The following CHAF1B variants were observed in gnomAD, a reference collection of about 807,000 sequenced individuals.
CHAF1B encodes the protein CAF-1 subunit B.
In CHAF1B, 10 loss-of-function variants were observed where a neutral mutation model predicts 60.7. The ratio of observed to expected loss-of-function variants is 0.16; its 90% confidence interval spans 0.10 to 0.28. The LOEUF (loss-of-function observed/expected upper bound fraction) is 0.28. CHAF1B is among the 10% of genes least tolerant of loss of function. CHAF1B has a pLI of 1.00. For missense variants in CHAF1B, 558 were observed against 708.4 expected, an observed-to-expected ratio of 0.79 and a Z score of 2.41; for synonymous variants, 261 against 266.1, an observed-to-expected ratio of 0.98 and a Z score of 0.19.
intron 8 of CHAF1B, among the ~76,000 whole-genome samples, chr21:36,406,637 G>C (rs2086240289): frequency 6.6e-6 from 1 of 152,038 alleles, no homozygotes; most frequent in African/African-American, 2.4e-5. Context: ...TGTATGACAT[G>C]ATGTTTTGAA....
chr21:36,409,564 T>C, intron 10 of CHAF1B, 99 bp downstream of exon 10: 1 of 714,362 alleles, frequency 1.4e-6, no homozygotes, highest in Non-Finnish European at 2.4e-6. Flanking sequence ...GAAAGGTGGG[T>C]ATCTGGGTTT....
intron 3 of CHAF1B, chr21:36,388,800 A>G (rs78048870): frequency 0.031 from 4,677 of 152,256 alleles, 101 homozygotes; most frequent in Admixed American, 0.047. Flanking sequence ...GGGATATGAA[A>G]GAATTCAGCA....
rs2086335920 is a variant in CHAF1B, at chr21:36,418,839, ACT to A, written c.*2476_*2477del. 1 of 139,998 alleles carries A rather than the reference ACT, an allele frequency of 7.1e-6. No homozygotes were observed. Among genetic ancestry groups the A allele is most frequent in the African/African-American group, 3.0e-5 (1 of 33,460 alleles). The allele number at this position is 139,998 out of a possible 1,614,324, so 8.7% of individuals were successfully genotyped here. A position where few individuals can be genotyped will look rare whatever the true frequency, so the allele number is the denominator to read the frequency against. ...ACTCCAGCCTGGGCGACAGAGCGAGACTCTGTCTCAAAAAAAAAAAAAAAGAG... is the reference window on the plus strand; with the variant it reads ...ACTCCAGCCTGGGCGACAGAGCGAGACTGTCTCAAAAAAAAAAAAAAAGAG... On this transcript the variant is annotated 3_prime_UTR_variant, in exon 14 of 14. Coordinates refer to ENST00000314103, the MANE Select transcript of CHAF1B (RefSeq NM_005441.3).
At chr21:36,401,015 C>T (rs1379576898) in intron 7 of CHAF1B, among the ~76,000 whole-genome samples, 3 of 151,854 alleles carry the variant, frequency 2.0e-5, no homozygotes, top group African/African-American at 7.3e-5. Context: ...GCCTGTAATC[C>T]CAGCACTTTG....
chr21:36,386,702 A>G (rs1485037537), intron 2 of CHAF1B, among the ~76,000 whole-genome samples: 1 of 152,080 alleles, frequency 6.6e-6, no homozygotes, highest in African/African-American at 2.4e-5. Flanking sequence ...AATGAAAGCA[A>G]AAGAGAGCTG....
chr21:36,407,462 T>TG (rs1459501060), intron 8 of CHAF1B, among the ~76,000 whole-genome samples: 1 of 152,206 alleles, frequency 6.6e-6, no homozygotes, highest in Non-Finnish European at 1.5e-5. Flanking sequence ...ATCAGTGCTA[T>TG]GCAAGTTAAC....
rs2086289066 is a variant in CHAF1B at position 36,412,956 on chromosome 21, T to C, written c.1134T>C (p.Asp378=). 6.2e-7 allele frequency: 1 copy of C among 1,614,224 alleles called. No homozygotes were observed. Among genetic ancestry groups the C allele is most frequent in the Non-Finnish European group, 8.5e-7 (1 of 1,180,042 alleles). ...GCTCATTTGTGACATTTGAGAAAGA[T>C]GAACTTGGAATTCCTTTGAAAGAGA... ...GYCSFVTFEK[D]ELGIPLKEKP... The change falls in exon 12 of 14, where the codon GAT becomes GAC. Residue 378 remains aspartate, a synonymous_variant. Transcript: ENST00000314103.
rs1429872828 is a variant in CHAF1B, at chr21:36,408,752, G to A, written c.758-9G>A. On this transcript the variant is annotated splice_polypyrimidine_tract_variant and intron_variant, in intron 8 of 13. Coordinates refer to ENST00000314103, the MANE Select transcript of CHAF1B (RefSeq NM_005441.3). ...TTTCTTTCCTCTCCCTCCCTTCCCT[G>A]TTCCCCAGCTGGATGTGTGGAATCT... 7 of 1,596,832 alleles carry A rather than the reference G, an allele frequency of 4.4e-6. No individual in the cohort carries two copies. In the South Asian group the frequency reaches 7.7e-5, roughly 18 times the overall value.
At chr21:36,400,324 ATAAAATTAGCCGGGT>A (rs2086177116) in intron 7 of CHAF1B, among the ~76,000 whole-genome samples, 1 of 151,908 alleles carries the variant, frequency 6.6e-6, no homozygotes, top group Admixed American at 6.6e-5. Context: ...TACAAAAAAT[ATAAAATTAGCCGGGT>A]GCATGCATGT....
intron 12 of CHAF1B, among the ~76,000 whole-genome samples, chr21:36,413,621 G>T (rs1476244903): frequency 6.6e-6 from 1 of 152,022 alleles, no homozygotes; most frequent in African/African-American, 2.4e-5. Context: ...CTTCATCTCC[G>T]GCCTAGTCCT....
chr21:36,394,754 CA>C (rs2086123798), intron 5 of CHAF1B, 104 bp downstream of exon 5: 1 of 651,566 alleles, frequency 1.5e-6, no homozygotes, highest in Admixed American at 3.2e-5. Flanking sequence ...TTTTTTGAGA[CA>C]GGATCTCACT....
rs74900401 is a variant in CHAF1B at position 36,415,317 on chromosome 21, A to C, written c.1516A>C (p.Lys506Gln). The C allele has an allele frequency of 2.9e-3, 4,756 of 1,612,306 alleles. 124 individuals are homozygous for C. The African/African-American group carries it at 0.055, about 19-fold the overall frequency. Reference protein sequence around the residue: ...TPRRINLTPLKTDTPPSSVPT... With the variant: ...TPRRINLTPLQTDTPPSSVPT... ...AAGGAGAATAAACTTAACACCCTTA[A>C]AGACGGACACTCCACCAAGTTCTGT... Residue 506 changes from lysine to glutamine, a missense_variant, in exon 13 of 14, where the codon AAG becomes CAG. By Grantham distance (53) the Lys-to-Gln change is moderately conservative (BLOSUM62 1). This residue lies in a region of CHAF1B where 233 missense variants were observed against 214.9 expected (regional missense o/e 1.08). Transcript: ENST00000314103.
chr21:36,412,561 C>T (rs576187817), intron 11 of CHAF1B, among the ~76,000 whole-genome samples: 1 of 152,154 alleles, frequency 6.6e-6, no homozygotes, highest in Non-Finnish European at 1.5e-5. Flanking sequence ...AGGGTTTCAC[C>T]ATGTTGGCCA....
At position 36,416,321 on chromosome 21, in the gene CHAF1B, C is replaced by T. The variant is rs1488855207; in HGVS notation, c.1635C>T (p.Pro545=). 6.2e-7 allele frequency: 1 copy of T among 1,614,086 alleles called. No individual in the cohort carries two copies. The highest frequency in any genetic ancestry group is 1.7e-5 in the Admixed American group (1 of 60,012). ...AQGSPPELKR[P]RLDENKGGTE... is the part of the protein sequence containing the mutation. ...GCAGTCCCCCAGAGCTAAAGCGGCC[C>T]AGACTCGATGAAAACAAAGGAGGCA... is the stretch of plus-strand genomic sequence containing the variant. The change falls in exon 14 of 14, where the codon CCC becomes CCT. Residue 545 remains proline, a synonymous_variant. Transcript: ENST00000314103.
Position 36,413,184 on chromosome 21 carries a change from T to G in CHAF1B, c.1362T>G (p.Pro454=). The G allele has an allele frequency of 6.2e-7, 1 of 1,613,956 alleles. No homozygotes were observed. The change falls in exon 12 of 14, where the codon CCT becomes CCG. Residue 454 remains proline, a synonymous_variant. Coordinates refer to ENST00000314103, the MANE Select transcript of CHAF1B (RefSeq NM_005441.3). The part of the protein sequence containing the change: ...TVIRDPPSIT[P]AVKSPLPGPS... Reference sequence around the variant, plus strand: ...TCAGGGACCCTCCCTCCATCACTCCTGCTGTCAAAAGCCCCTTGCCGGGGC... The same window carrying G: ...TCAGGGACCCTCCCTCCATCACTCCGGCTGTCAAAAGCCCCTTGCCGGGGC...
chr21:36,415,164 G>A (rs1304886455), intron 12 of CHAF1B, 131 bp from the exon 13 acceptor site: 7 of 618,028 alleles, frequency 1.1e-5, no homozygotes. Flanking sequence ...ACTATTTAAT[G>A]CCTTGAACCA....
At chr21:36,409,495 GT>G (rs1204183139) in intron 10 of CHAF1B, 30 bp downstream of exon 10, 2 of 1,553,882 alleles carry the variant, frequency 1.3e-6, no homozygotes, top group Admixed American at 1.7e-5. Flanking sequence ...GGTGTGTTAT[GT>G]TTTCTCTCCG....
rs1211699341 is a variant in CHAF1B, at chr21:36,408,850, T to C, written c.827+20T>C. 4 of 1,543,294 alleles carry C rather than the reference T, an allele frequency of 2.6e-6. No homozygotes were observed. The highest frequency in any genetic ancestry group is 3.6e-6 in the Non-Finnish European group (4 of 1,116,056). On this transcript the variant is annotated intron_variant, in intron 9 of 13. Transcript: ENST00000314103. ...TAAAAGGTATGCAGTCAAGGAAATG[T>C]TTGAAATGTTTACATTTTTTTTAGA... is the stretch of plus-strand genomic sequence containing the variant.
chr21:36,387,459 G>T, intron 2 of CHAF1B, 139 bp from the exon 3 acceptor site: 1 of 1,016,680 alleles, frequency 9.8e-7, no homozygotes, highest in Non-Finnish European at 1.5e-6. Flanking sequence ...GGCCTCAAGT[G>T]ATTTACCCAC....
Sources: allele counts gnomAD v4.1 joint callset (sites outside exome capture counted in the v4.1 genomes callset), GRCh38; gene constraint gnomAD v4.1.1; regional missense constraint gnomAD v4.1.1; transcripts MANE v1.5; gene names NCBI Gene and HGNC (gene_info 2026-07-23, HGNC 2026-07-21).